Variants in PTPRE observed in about 807,000 individuals in gnomAD.
PTPRE encodes the protein protein tyrosine phosphatase receptor type E, also known as receptor-type tyrosine-protein phosphatase epsilon.
In PTPRE, 51 loss-of-function variants were observed where a neutral mutation model predicts 102.0. That is an observed-to-expected ratio of 0.50 (90% CI 0.40 to 0.63). PTPRE has a LOEUF of 0.63. Among genes scored for constraint, PTPRE ranks in the 30% least tolerant of loss-of-function variants. The pLI is 0.00. For missense variants in PTPRE, 752 were observed against 915.1 expected (o/e 0.82, Z 2.30); for synonymous variants, 345 against 348.2 (o/e 0.99, Z 0.10).
intron 1 of PTPRE, among the ~76,000 whole-genome samples, chr10:127,914,641 G>T (rs1051604481): frequency 6.6e-6 from 1 of 152,176 alleles, no homozygotes; most frequent in African/African-American, 2.4e-5. Context: ...CAACTAACAG[G>T]TTGGTTTTCA....
chr10:128,014,989 C>G (rs569514976), intron 2 of PTPRE, among the ~76,000 whole-genome samples: 25 of 152,236 alleles, frequency 1.6e-4, no homozygotes, highest in Admixed American at 4.6e-4. Flanking sequence ...CCGGTCTTCC[C>G]GAGAGAAGAC....
intron 1 of PTPRE, among the ~76,000 whole-genome samples, chr10:127,954,671 A>G (rs927317076): frequency 1.3e-5 from 2 of 152,124 alleles, no homozygotes; most frequent in African/African-American, 4.8e-5. Context: ...CTAGGTGACA[A>G]TGCCTTGCAG....
chr10:127,916,539 T>C (rs1162438686), intron 1 of PTPRE, among the ~76,000 whole-genome samples: 1 of 152,174 alleles, frequency 6.6e-6, no homozygotes, highest in African/African-American at 2.4e-5. Flanking sequence ...AACAGACTAA[T>C]ACAAGCAGGC....
chr10:128,029,421 C>G (rs543507723), intron 2 of PTPRE, among the ~76,000 whole-genome samples: 1 of 152,276 alleles, frequency 6.6e-6, no homozygotes, highest in African/African-American at 2.4e-5. Context: ...GTCGCCAGCC[C>G]ATGGGGCGTC....
rs1848472386 is a variant in PTPRE, at chr10:127,944,458, ACATGGAC to A, written c.-31+37150_-31+37156del. 3.7e-5 allele frequency among the ~76,000 whole-genome samples: 3 copies of A among 81,798 alleles called. No individual in the cohort carries two copies. Among genetic ancestry groups the A allele is most frequent in the Admixed American group, 1.3e-4 (1 of 7,812 alleles). 53.7% of individuals were successfully genotyped at this position (81,798 alleles called of 152,430 possible). A position where few individuals can be genotyped will look rare whatever the true frequency, so the allele number is the denominator to read the frequency against. ...TGGATGGATGGACAGATGGATGGAT[ACATGGAC>A]AGACGGATGGATGGATGGATGGATG... On this transcript the variant is annotated intron_variant, in intron 1 of 20. Transcript: ENST00000254667. The surrounding 1 kb of genome is among the most constrained non-coding windows in gnomAD (Gnocchi z 4.2).
intron 2 of PTPRE, among the ~76,000 whole-genome samples, chr10:128,035,336 T>C (rs774571674): frequency 2.6e-5 from 4 of 152,164 alleles, no homozygotes; most frequent in Non-Finnish European, 5.9e-5. Flanking sequence ...ATTGTTTAAT[T>C]TTTAAAAATA....
At chr10:127,930,061 C>CAAAAAAAAAAAAAAAAAA (rs941241176) in intron 1 of PTPRE, among the ~76,000 whole-genome samples, 1 of 72,880 alleles carries the variant, frequency 1.4e-5, no homozygotes, top group Non-Finnish European at 2.8e-5. Context: ...GATTCCATCT[C>CAAAAAAAAAAAAAAAAAA]AAAAAAAAAA....
chr10:128,014,318 G>A (rs192095940), intron 2 of PTPRE, among the ~76,000 whole-genome samples: 88 of 152,266 alleles, frequency 5.8e-4, no homozygotes, highest in African/African-American at 1.8e-3. Flanking sequence ...GGGGTCAAAT[G>A]TTCTCCCAAA....
chr10:127,995,937 G>A (rs191190265), intron 2 of PTPRE, among the ~76,000 whole-genome samples: 2 of 152,240 alleles, frequency 1.3e-5, no homozygotes, highest in Admixed American at 6.5e-5. Flanking sequence ...TGAAATGGAG[G>A]GGGGCTTTCT....
chr10:128,056,020 T>C (rs1278962311), intron 6 of PTPRE, 103 bp from the exon 7 acceptor site: 4 of 881,360 alleles, frequency 4.5e-6, no homozygotes, highest in Non-Finnish European at 7.3e-6. Flanking sequence ...GCAGGTAGTT[T>C]GCTCCACGTG....
intron 1 of PTPRE, among the ~76,000 whole-genome samples, chr10:127,977,383 A>C (rs72847303): frequency 0.017 from 2,536 of 152,356 alleles, 38 homozygotes; most frequent in Admixed American, 0.029. Flanking sequence ...GTATGTAAAC[A>C]TGTTAAAATA....
chr10:128,022,229 A>G (rs1239854818), intron 2 of PTPRE, among the ~76,000 whole-genome samples: 1 of 152,184 alleles, frequency 6.6e-6, no homozygotes, highest in East Asian at 1.9e-4. Flanking sequence ...AGTCGGCAGC[A>G]CTGAGTCCCC....
intron 1 of PTPRE, among the ~76,000 whole-genome samples, chr10:127,957,317 G>A (rs1849476347): frequency 6.6e-6 from 1 of 152,130 alleles, no homozygotes; most frequent in African/African-American, 2.4e-5. Flanking sequence ...AGCACCGTAT[G>A]TTGAAAAGAC....
In PTPRE at chr10:128,063,193, C is replaced by T. The variant is rs748919455; in HGVS notation, c.723+13C>T. 3 of 1,613,692 alleles carry T rather than the reference C, an allele frequency of 1.9e-6. No homozygotes were observed. The highest frequency in any genetic ancestry group is 3.3e-5 in the Admixed American group (2 of 59,956). ...AGAAAGGAAAGAGGTGAGTTCCAGG[C>T]ATCTGGCCCCGGTATCACTTCCTTT... On this transcript the variant is annotated intron_variant, in intron 10 of 20. Coordinates refer to ENST00000254667, the MANE Select transcript of PTPRE (RefSeq NM_006504.6).
At chr10:128,043,209 G>C (rs1215720269) in intron 3 of PTPRE, among the ~76,000 whole-genome samples, 1 of 152,138 alleles carries the variant, frequency 6.6e-6, no homozygotes, top group African/African-American at 2.4e-5. Flanking sequence ...TGATTACATT[G>C]TAACATATAA....
In PTPRE at chr10:127,907,306, C is replaced by A. The variant is rs1311330551; in HGVS notation, c.-34C>A. 5 of 984,690 alleles carry A rather than the reference C, an allele frequency of 5.1e-6. No homozygotes were observed. Among genetic ancestry groups the A allele is most frequent in the Non-Finnish European group, 6.0e-6 (5 of 829,736 alleles). The allele number at this position is 984,690 out of a possible 1,614,324, so 61.0% of individuals were successfully genotyped here. A position where few individuals can be genotyped will look rare whatever the true frequency, so the allele number is the denominator to read the frequency against. ...ATCTGCGCGACCAGACCGGCCCCCC[C>A]GAGGTGAGCGCGCGTGCGGACAGGG... On this transcript the variant is annotated 5_prime_UTR_variant, in exon 1 of 21. Transcript: ENST00000254667. This position sits in a 1 kb window ranked among gnomAD's most constrained non-coding sequence, Gnocchi z 4.8.
intron 2 of PTPRE, among the ~76,000 whole-genome samples, chr10:128,034,523 A>AT (rs1564907554): frequency 1.3e-5 from 2 of 150,576 alleles, no homozygotes; most frequent in East Asian, 3.9e-4. Flanking sequence ...GACCCCCCCC[A>AT]TCTTTACGAA....
chr10:128,059,746 G>A (rs888501769), intron 7 of PTPRE, among the ~76,000 whole-genome samples: 1 of 152,186 alleles, frequency 6.6e-6, no homozygotes, highest in African/African-American at 2.4e-5. Context: ...CCATGAAAAT[G>A]TCTTCATTTC....
intron 17 of PTPRE, among the ~76,000 whole-genome samples, chr10:128,076,284 A>G (rs1851200540): frequency 6.6e-6 from 1 of 152,234 alleles, no homozygotes; most frequent in East Asian, 1.9e-4. Flanking sequence ...ACTCACATCA[A>G]CCCTGGTAGG....
Sources: gnomAD v4.1 joint callset for allele counts (sites outside exome capture counted in the v4.1 genomes callset) on GRCh38, gnomAD v4.1.1 for gene constraint, Gnocchi (gnomAD v3.1) non-coding constraint, MANE v1.5 for transcripts, NCBI Gene and HGNC (gene_info 2026-07-23, HGNC 2026-07-21) for gene names.